Variants in CASR observed in about 807,000 individuals in gnomAD.
The protein encoded by CASR is extracellular calcium-sensing receptor.
A neutral mutation model predicts 69.1 loss-of-function variants in CASR; 23 were observed. That is an observed-to-expected ratio of 0.33 (90% CI 0.24 to 0.47). CASR has a LOEUF of 0.47. Ranked by LOEUF, CASR falls within the 20% of genes least tolerant of loss-of-function variation. CASR has a pLI of 1.00. For synonymous variants in CASR, 541 were observed against 544.7 expected, an observed-to-expected ratio of 0.99 and a Z score of 0.10; for missense variants, 924 against 1,356.1, an observed-to-expected ratio of 0.68 and a Z score of 5.00.
chr3:122,262,061 T>C lies in CASR; in HGVS notation c.1026T>C (p.Ser342=), dbSNP rs367730415. The change falls in exon 4 of 7, where the codon TCT becomes TCC. Residue 342 remains serine, a synonymous_variant. Coordinates refer to ENST00000639785, the MANE Select transcript of CASR (RefSeq NM_000388.4). ...EFLKKVHPRK[S]VHNGFAKEFW... ...TGAAGAAGGTCCATCCCAGGAAGTCTGTCCACAATGGTTTTGCCAAGGAGT... is the reference window on the plus strand; with the variant it reads ...TGAAGAAGGTCCATCCCAGGAAGTCCGTCCACAATGGTTTTGCCAAGGAGT... 6.2e-7 allele frequency: 1 copy of C among 1,614,124 alleles called. No individual in the cohort carries two copies. The highest frequency in any genetic ancestry group is 8.5e-7 in the Non-Finnish European group (1 of 1,180,046).
chr3:122,199,320 T>G (rs774348742), intron 1 of CASR, among the ~76,000 whole-genome samples: 1 of 152,260 alleles, frequency 6.6e-6, no homozygotes, highest in South Asian at 2.1e-4. Context: ...GTGCTTATTA[T>G]ATAGTTCTTC....
At position 122,285,305 on chromosome 3, in the gene CASR, C is replaced by G. The variant is rs2074957314; in HGVS notation, c.*114C>G. 3.3e-6 allele frequency: 3 copies of G among 917,850 alleles called. No individual in the cohort carries two copies. Among genetic ancestry groups the G allele is most frequent in the African/African-American group, 1.6e-5 (1 of 61,636 alleles). The allele number at this position is 917,850 out of a possible 1,614,324, so 56.9% of individuals were successfully genotyped here. A position where few individuals can be genotyped will look rare whatever the true frequency, so the allele number is the denominator to read the frequency against. On this transcript the variant is annotated 3_prime_UTR_variant, in exon 7 of 7. Transcript: ENST00000639785. ...GAGGAAGAAGGGATAATAGACACAT[C>G]AAATGCCCCGAATTTAGTCACACCA...
intron 1 of CASR, among the ~76,000 whole-genome samples, chr3:122,190,012 G>T (rs1035167597): frequency 6.6e-6 from 1 of 152,206 alleles, no homozygotes; most frequent in African/African-American, 2.4e-5. Context: ...CAGCTGTGGT[G>T]CCCAGATCTC....
chr3:122,202,943 T>C (rs527668635), intron 1 of CASR, among the ~76,000 whole-genome samples: 1 of 152,350 alleles, frequency 6.6e-6, no homozygotes, highest in East Asian at 1.9e-4. Context: ...CAGTACCATC[T>C]GTCAATTATC....
In CASR at chr3:122,262,379, C is replaced by T; in HGVS notation, c.1344C>T (p.Ser448=). The part of the protein sequence containing the change: ...LPGRGLFTNG[S]CADIKKVEAW... ...GGAGAGGGCTCTTCACCAATGGCTCCTGTGCAGACATCAAGAAAGTTGAGG... is the reference window on the plus strand; with the variant it reads ...GGAGAGGGCTCTTCACCAATGGCTCTTGTGCAGACATCAAGAAAGTTGAGG... The change falls in exon 4 of 7, where the codon TCC becomes TCT. Residue 448 remains serine (S), a synonymous_variant. Coordinates refer to ENST00000639785, the MANE Select transcript of CASR (RefSeq NM_000388.4). 1 of 1,613,742 alleles carries T rather than the reference C, an allele frequency of 6.2e-7. No homozygotes were observed. The highest frequency in any genetic ancestry group is 8.5e-7 in the Non-Finnish European group (1 of 1,180,032).
chr3:122,269,202 T>A (rs2074727510), intron 4 of CASR, among the ~76,000 whole-genome samples: 1 of 152,244 alleles, frequency 6.6e-6, no homozygotes, highest in Admixed American at 6.5e-5. Flanking sequence ...TTAGATCATA[T>A]TTTCAATCTT....
intron 1 of CASR, among the ~76,000 whole-genome samples, chr3:122,209,774 A>G (rs1187718671): frequency 3.3e-5 from 5 of 152,190 alleles, no homozygotes; most frequent in African/African-American, 1.2e-4. Flanking sequence ...AAAACCTGGC[A>G]GAGATACAAC....
chr3:122,255,886 G>C (rs999934956), intron 2 of CASR, among the ~76,000 whole-genome samples: 1 of 115,598 alleles, frequency 8.7e-6, no homozygotes, highest in Non-Finnish European at 1.8e-5. Flanking sequence ...CTGAGTTCAA[G>C]TAGTGAAACC....
At chr3:122,278,423 C>T (rs2074847890) in intron 5 of CASR, among the ~76,000 whole-genome samples, 1 of 152,196 alleles carries the variant, frequency 6.6e-6, no homozygotes, top group African/African-American at 2.4e-5. Context: ...CTCAGTGCTC[C>T]ATTCCCTACA....
In CASR at chr3:122,284,647, G is replaced by A. The variant is rs121909269; in HGVS notation, c.2693G>A (p.Arg898Gln). The change falls in exon 7 of 7, where the codon CGG becomes CAG. Residue 898 changes from arginine to glutamine, a missense_variant. Around this residue, in one of 8 missense-constraint regions of CASR, gnomAD observed 201 missense variants for 228.8 expected, o/e 0.88. Transcript: ENST00000639785. ...CGCCGCAGCAACGTCTCCCGCAAGC[G>A]GTCCAGCAGCCTTGGAGGCTCCACG... is the stretch of plus-strand genomic sequence containing the variant. The part of the protein sequence containing the change: ...TLRRSNVSRK[R>Q]SSSLGGSTGS... The A allele has an allele frequency of 9.3e-6, 15 of 1,613,904 alleles. No individual in the cohort carries two copies. In the South Asian group the frequency reaches 1.3e-4, roughly 14 times the overall value.
chr3:122,227,165 G>A (rs139920607), intron 1 of CASR, among the ~76,000 whole-genome samples: 123 of 152,358 alleles, frequency 8.1e-4, no homozygotes, highest in Middle Eastern at 6.8e-3. Flanking sequence ...AGTGGATCCC[G>A]CACCGGGACC....
At chr3:122,266,071 C>T (rs920839069) in intron 4 of CASR, among the ~76,000 whole-genome samples, 1 of 152,112 alleles carries the variant, frequency 6.6e-6, no homozygotes, top group Non-Finnish European at 1.5e-5. Flanking sequence ...TCTGTGTGAC[C>T]TGGCCCTCAT....
rs577405986 is a variant in CASR at position 122,290,933 on chromosome 3, T to C, written c.*5742T>C. The C allele has an allele frequency of 3.5e-5, 5 of 143,618 alleles. No individual in the cohort carries two copies. Among genetic ancestry groups the C allele is most frequent in the Non-Finnish European group, 7.5e-5 (5 of 66,674 alleles). The allele number at this position is 143,618 out of a possible 1,614,324, so 8.9% of individuals were successfully genotyped here. ...TGTGATGTTCCCCTTCCTGTGTCCATGTGATCTCATTGTTCGATTCCCACC... is the reference window on the plus strand; with the variant it reads ...TGTGATGTTCCCCTTCCTGTGTCCACGTGATCTCATTGTTCGATTCCCACC... On this transcript the variant is annotated 3_prime_UTR_variant, in exon 7 of 7. Coordinates refer to ENST00000639785, the MANE Select transcript of CASR (RefSeq NM_000388.4).
Position 122,283,718 on chromosome 3 carries a change from C to T in CASR, c.1764C>T (p.Asp588=), listed in dbSNP as rs1270715219. 6.2e-7 allele frequency: 1 copy of T among 1,614,176 alleles called. No individual in the cohort carries two copies. Among genetic ancestry groups the T allele is most frequent in the Non-Finnish European group, 8.5e-7 (1 of 1,180,004 alleles). ...GTGCCTGTAACAAGTGCCCAGATGACTTCTGGTCCAATGAGAACCACACCT... is the reference window on the plus strand; with the variant it reads ...GTGCCTGTAACAAGTGCCCAGATGATTTCTGGTCCAATGAGAACCACACCT... ...DASACNKCPD[D]FWSNENHTSC... Residue 588 remains aspartate, a synonymous_variant, in exon 7 of 7, where the codon GAC becomes GAT. Transcript: ENST00000639785.
chr3:122,195,618 T>C (rs895131615), intron 1 of CASR, among the ~76,000 whole-genome samples: 1 of 152,232 alleles, frequency 6.6e-6, no homozygotes, highest in East Asian at 1.9e-4. Context: ...TGCTAAAGAT[T>C]TTATACATTG....
At chr3:122,187,112 G>T (rs1010225966) in intron 1 of CASR, among the ~76,000 whole-genome samples, 2 of 152,082 alleles carry the variant, frequency 1.3e-5, no homozygotes, top group African/African-American at 2.4e-5. Flanking sequence ...CATTAATAAG[G>T]TAAATATATA....
chr3:122,224,221 G>A (rs1303801098), intron 1 of CASR, among the ~76,000 whole-genome samples: 1 of 152,094 alleles, frequency 6.6e-6, no homozygotes, highest in East Asian at 1.9e-4. Flanking sequence ...GAAATAAAAG[G>A]CATCTAAATA....
Position 122,261,508 on chromosome 3 carries a change from A to G in CASR, c.493-20A>G, listed in dbSNP as rs1451863763. On this transcript the variant is annotated intron_variant, in intron 3 of 6. Transcript: ENST00000639785. ...TCACTCACTCACTCACTCATTCACC[A>G]TGTTCTTGGTTCTCTCCAGGTCAGT... 2 of 1,613,032 alleles carry G rather than the reference A, an allele frequency of 1.2e-6. No homozygotes were observed. Among genetic ancestry groups the G allele is most frequent in the Admixed American group, 1.7e-5 (1 of 60,022 alleles).
chr3:122,214,115 C>G (rs927962642), intron 1 of CASR, among the ~76,000 whole-genome samples: 1 of 152,194 alleles, frequency 6.6e-6, no homozygotes, highest in Admixed American at 6.5e-5. Context: ...ATCTCTGTGC[C>G]AGATCCTGTC....
Sources: gnomAD v4.1 joint callset for allele counts (sites outside exome capture counted in the v4.1 genomes callset) on GRCh38, gnomAD v4.1.1 for gene constraint, gnomAD v4.1.1 regional missense constraint, MANE v1.5 for transcripts, NCBI Gene and HGNC (gene_info 2026-07-23, HGNC 2026-07-21) for gene names.